Variants in KIAA1549L observed in about 807,000 individuals in gnomAD.
The protein encoded by KIAA1549L is UPF0606 protein KIAA1549L.
KIAA1549L carries 88 observed loss-of-function variants against 160.7 expected under a neutral mutation model. The observed-to-expected ratio is 0.55, with a 90% CI of 0.46 to 0.65. The LOEUF (loss-of-function observed/expected upper bound fraction) is 0.65, where lower values mean the gene tolerates loss of function less well. KIAA1549L is among the 30% of genes least tolerant of loss of function. The pLI, the probability that KIAA1549L is intolerant of heterozygous loss-of-function variation, is 0.00. For synonymous variants in KIAA1549L, 950 were observed against 976.7 expected (o/e 0.97, Z 0.51); for missense variants, 2,258 against 2,437.5 (o/e 0.93, Z 1.55).
intron 1 of KIAA1549L, among the ~76,000 whole-genome samples, chr11:33,514,322 A>G (rs1391810568): frequency 6.6e-6 from 1 of 152,230 alleles, no homozygotes; most frequent in Non-Finnish European, 1.5e-5. Context: ...AATTTGGAGA[A>G]TTCGTTTCCC....
At chr11:33,392,864 C>T (rs1173685115) in intron 1 of KIAA1549L, among the ~76,000 whole-genome samples, 1 of 152,162 alleles carries the variant, frequency 6.6e-6, no homozygotes, top group African/African-American at 2.4e-5. Flanking sequence ...CTGGGCCTAG[C>T]TGCTGATTGC....
intron 10 of KIAA1549L, among the ~76,000 whole-genome samples, chr11:33,580,130 G>A (rs1212341494): frequency 2.0e-5 from 3 of 152,186 alleles, no homozygotes; most frequent in Non-Finnish European, 4.4e-5. Context: ...GGCAGCTAGA[G>A]GTTTGCATCT....
intron 1 of KIAA1549L, among the ~76,000 whole-genome samples, chr11:33,472,249 A>G (rs1050482763): frequency 6.7e-6 from 1 of 148,478 alleles, no homozygotes; most frequent in Admixed American, 6.7e-5. Flanking sequence ...AGTAGCTAGG[A>G]CTACAGGCAC....
chr11:33,469,124 A>G (rs1239710466), intron 1 of KIAA1549L, among the ~76,000 whole-genome samples: 2 of 152,224 alleles, frequency 1.3e-5, no homozygotes, highest in African/African-American at 2.4e-5. Context: ...TTGTACAACT[A>G]TCACCACGAT....
intron 1 of KIAA1549L, among the ~76,000 whole-genome samples, chr11:33,485,999 G>A (rs771574246): frequency 2.6e-5 from 4 of 152,030 alleles, no homozygotes; most frequent in Non-Finnish European, 4.4e-5. Context: ...TATATATTCC[G>A]CATTTCCTTT....
At chr11:33,620,192 C>T (rs1403004587) in intron 16 of KIAA1549L, among the ~76,000 whole-genome samples, 1 of 152,206 alleles carries the variant, frequency 6.6e-6, no homozygotes, top group Non-Finnish European at 1.5e-5. Flanking sequence ...ATGTTAGCAA[C>T]TTACCTAGAA....
At chr11:33,549,880 C>T (rs1301724580) in intron 4 of KIAA1549L, among the ~76,000 whole-genome samples, 1 of 152,000 alleles carries the variant, frequency 6.6e-6, no homozygotes, top group African/African-American at 2.4e-5. Context: ...TGGCACACAC[C>T]TGTAGTCCTA....
Position 33,669,805 on chromosome 11 carries a change from C to T in KIAA1549L, c.*1651C>T, listed in dbSNP as rs1217461676. 1 of 152,208 alleles carries T rather than the reference C, an allele frequency of 6.6e-6. No homozygotes were observed. Among genetic ancestry groups the T allele is most frequent in the Non-Finnish European group, 1.5e-5 (1 of 68,038 alleles). 9.4% of individuals were successfully genotyped at this position (152,208 alleles called of 1,614,324 possible). Reference sequence around the variant, plus strand: ...TCTGGAATGTTCAGAGATGATGTGTCATGGAACCTTCAAACAAGTCTCTTG... The same window carrying T: ...TCTGGAATGTTCAGAGATGATGTGTTATGGAACCTTCAAACAAGTCTCTTG... On this transcript the variant is annotated 3_prime_UTR_variant, in exon 21 of 21. Coordinates refer to ENST00000658780, the MANE Select transcript of KIAA1549L (RefSeq NM_012194.3).
chr11:33,420,235 GT>G (rs35430385), intron 1 of KIAA1549L, among the ~76,000 whole-genome samples: 8,133 of 46,176 alleles, frequency 0.18, 374 homozygotes, highest in African/African-American at 0.31. Context: ...TTTTTTTTTT[GT>G]TTTTTTTTTT....
intron 7 of KIAA1549L, among the ~76,000 whole-genome samples, chr11:33,560,902 G>C (rs991497042): frequency 6.6e-6 from 1 of 152,204 alleles, no homozygotes; most frequent in East Asian, 1.9e-4. Flanking sequence ...AGATGACTCT[G>C]GGTTTTAGGG....
Position 33,547,797 on chromosome 11 carries a change from G to A in KIAA1549L, c.3419G>A (p.Ser1140Asn). The change falls in exon 4 of 21, where the codon AGT (serine) becomes AAT (asparagine). Residue 1140 changes from serine to asparagine, a missense_variant. This residue lies in a region of KIAA1549L where 1,359 missense variants were observed against 1,546.6 expected (regional missense o/e 0.88). Coordinates refer to ENST00000658780, the MANE Select transcript of KIAA1549L (RefSeq NM_012194.3). ...LFLTQRRVQI[S>N]ESLKFSIAKG... is the part of the protein sequence containing the mutation. Reference sequence around the variant, plus strand: ...CTCACCCAAAGGAGAGTGCAGATCAGTGAATCCTTGAAGTTCAGTATCGCC... The same window carrying A: ...CTCACCCAAAGGAGAGTGCAGATCAATGAATCCTTGAAGTTCAGTATCGCC... 1 of 1,613,544 alleles carries A rather than the reference G, an allele frequency of 6.2e-7. No homozygotes were observed.
chr11:33,467,472 G>C (rs1417031446), intron 1 of KIAA1549L, among the ~76,000 whole-genome samples: 1 of 152,210 alleles, frequency 6.6e-6, no homozygotes, highest in Admixed American at 6.5e-5. Context: ...GGGACATAGG[G>C]GTGATTTGCT....
At chr11:33,521,000 A>C (rs1853478996) in intron 1 of KIAA1549L, among the ~76,000 whole-genome samples, 1 of 147,892 alleles carries the variant, frequency 6.8e-6, no homozygotes, top group African/African-American at 2.5e-5. Context: ...CAATATCTAC[A>C]AAAAAAAAAG....
At chr11:33,602,862 C>G (rs748145841) in intron 13 of KIAA1549L, among the ~76,000 whole-genome samples, 10 of 152,152 alleles carry the variant, frequency 6.6e-5, no homozygotes, top group African/African-American at 1.2e-4. Context: ...CTTCAAAAGC[C>G]TAGAGGAATT....
At chr11:33,567,976 G>A in intron 8 of KIAA1549L, 100 bp from the exon 9 acceptor site, 5 of 1,257,814 alleles carry the variant, frequency 4.0e-6, no homozygotes, top group Non-Finnish European at 5.3e-6. Flanking sequence ...GTAGGACACA[G>A]TGGCCCTTGG....
intron 1 of KIAA1549L, among the ~76,000 whole-genome samples, chr11:33,393,665 C>T (rs1027611440): frequency 8.5e-5 from 13 of 152,088 alleles, no homozygotes; most frequent in African/African-American, 1.2e-4. Flanking sequence ...TGTTGCCTCC[C>T]GGGCATAGAA....
intron 1 of KIAA1549L, among the ~76,000 whole-genome samples, chr11:33,407,397 G>A (rs1356448628): frequency 3.3e-5 from 5 of 150,524 alleles, no homozygotes; most frequent in East Asian, 2.0e-4. Context: ...GCTGGAGTGC[G>A]GTGGCATGAT....
At chr11:33,379,387 A>C (rs1410176302) in intron 1 of KIAA1549L, among the ~76,000 whole-genome samples, 1 of 152,088 alleles carries the variant, frequency 6.6e-6, no homozygotes, top group East Asian at 1.9e-4. Context: ...ACTGCCCTCC[A>C]TTAGACTCCT....
intron 1 of KIAA1549L, among the ~76,000 whole-genome samples, chr11:33,523,904 G>A (rs755736611): frequency 6.6e-6 from 1 of 151,892 alleles, no homozygotes; most frequent in Admixed American, 6.6e-5. Context: ...TTGCTTGGCT[G>A]CATCATATTT....
Sources: gnomAD v4.1 joint callset for allele counts (sites outside exome capture counted in the v4.1 genomes callset) on GRCh38, gnomAD v4.1.1 for gene constraint, gnomAD v4.1.1 regional missense constraint, MANE v1.5 for transcripts, NCBI Gene and HGNC (gene_info 2026-07-23, HGNC 2026-07-21) for gene names.